MPDZ: variants seen among roughly 807,000 people sequenced by gnomAD.
The protein encoded by MPDZ is multiple PDZ domain protein.
A neutral mutation model predicts 239.1 loss-of-function variants in MPDZ; 234 were observed. The observed-to-expected ratio is 0.98, with a 90% CI of 0.88 to 1.09. The LOEUF (loss-of-function observed/expected upper bound fraction) is 1.09. MPDZ is among the 50% of genes least tolerant of loss of function. MPDZ has a pLI of 0.00. For missense variants in MPDZ, 3,175 were observed against 2,510.0 expected (o/e 1.26, Z -5.66); for synonymous variants, 1,048 against 881.3 (o/e 1.19, Z -3.35).
At chr9:13,135,911 T>G in intron 31 of MPDZ, 181 bp downstream of exon 31, 1 of 492,138 alleles carries the variant, frequency 2.0e-6, no homozygotes, top group Admixed American at 3.6e-5. Context: ...ACTCTTCACA[T>G]AAGTGGTATG....
In MPDZ at chr9:13,148,738, C is replaced by T. The variant is rs1288566105; in HGVS notation, c.3631-1080G>A. ...TCCAAATTTGCAGATCTGCACTCAC[C>T]TAGTCTATATACATTTTGAGAAACT... is the stretch of plus-strand genomic sequence containing the variant. On this transcript the variant is annotated intron_variant, in intron 25 of 46. Transcript: ENST00000319217. Among the ~76,000 whole-genome samples the T allele has an allele frequency of 2.0e-5, 3 of 151,982 alleles. No homozygotes were observed. The East Asian group carries it at 5.8e-4, about 29-fold the overall frequency.
At chr9:13,253,225 T>A (rs1278642355) in intron 1 of MPDZ, among the ~76,000 whole-genome samples, 3 of 143,794 alleles carry the variant, frequency 2.1e-5, no homozygotes, top group South Asian at 2.2e-4. Context: ...ACACAAAGGT[T>A]AAAAAAAAAA....
intron 26 of MPDZ, among the ~76,000 whole-genome samples, chr9:13,145,492 A>G (rs980529186): frequency 5.9e-5 from 9 of 152,042 alleles, no homozygotes; most frequent in African/African-American, 1.9e-4. Context: ...GCTTTATCCT[A>G]TATCTACAGA....
chr9:13,176,209 G>A lies in MPDZ; in HGVS notation c.2858C>T (p.Thr953Ile), dbSNP rs1217928079. 6.2e-7 allele frequency: 1 copy of A among 1,603,818 alleles called. No homozygotes were observed. The highest frequency in any genetic ancestry group is 8.5e-7 in the Non-Finnish European group (1 of 1,174,312). The change falls in exon 20 of 47, where the codon ACT becomes ATT. Residue 953 changes from threonine (T) to isoleucine (I), a missense_variant. Thr to Ile is a moderately conservative substitution (Grantham distance 89). Coordinates refer to ENST00000319217, the MANE Select transcript of MPDZ (RefSeq NM_001378778.1). ...QYECENTIVW[T>I]ESHLPSEVIS... ...AACTTCACTTGGTAAATGAGATTCAGTCCACACTATTGTGTTTTCACATTC... is the reference window on the plus strand; with the variant it reads ...AACTTCACTTGGTAAATGAGATTCAATCCACACTATTGTGTTTTCACATTC...
chr9:13,109,118 T>C (rs1941991838), intron 45 of MPDZ, 59 bp from the exon 46 acceptor site: 3 of 1,170,338 alleles, frequency 2.6e-6, no homozygotes, highest in African/African-American at 1.6e-5. Context: ...TATACATATA[T>C]GTTATGAATT....
At chr9:13,186,437 A>G in intron 17 of MPDZ, 51 bp from the exon 18 acceptor site, 1 of 1,297,086 alleles carries the variant, frequency 7.7e-7, no homozygotes, top group Non-Finnish European at 1.1e-6. Context: ...AGCAAAGAAG[A>G]AAGAAAATGG....
intron 23 of MPDZ, among the ~76,000 whole-genome samples, chr9:13,158,343 T>C (rs1350661393): frequency 6.6e-6 from 1 of 152,142 alleles, no homozygotes; most frequent in Non-Finnish European, 1.5e-5. Context: ...ACTAAGACTC[T>C]TGTCTAGTCT....
chr9:13,166,470 T>C (rs1587440259), intron 22 of MPDZ, among the ~76,000 whole-genome samples: 2 of 152,250 alleles, frequency 1.3e-5, no homozygotes, highest in South Asian at 4.1e-4. Flanking sequence ...AGTTAAGCTA[T>C]AAGCATTTGA....
intron 32 of MPDZ, among the ~76,000 whole-genome samples, chr9:13,129,782 G>A (rs1945683094): frequency 6.6e-6 from 1 of 151,884 alleles, no homozygotes; most frequent in Non-Finnish European, 1.5e-5. Context: ...TGTTTCCCAG[G>A]CTGGTCTTGA....
At chr9:13,185,892 T>C (rs1379061625) in intron 18 of MPDZ, among the ~76,000 whole-genome samples, 1 of 152,172 alleles carries the variant, frequency 6.6e-6, no homozygotes, top group Non-Finnish European at 1.5e-5. Context: ...GGAAAAAAGA[T>C]ACCTATTACC....
intron 32 of MPDZ, 87 bp downstream of exon 32, chr9:13,133,737 G>A (rs1460280292): frequency 3.3e-6 from 3 of 915,612 alleles, no homozygotes; most frequent in East Asian, 2.8e-5. Context: ...CTGTTAATCT[G>A]GAGACCACAC....
chr9:13,148,567 A>G (rs991628606), intron 25 of MPDZ, among the ~76,000 whole-genome samples: 3 of 152,176 alleles, frequency 2.0e-5, no homozygotes, highest in Non-Finnish European at 2.9e-5. Context: ...TTAGATGACA[A>G]TATTTTTTTC....
chr9:13,194,731 G>C (rs1334186944), intron 13 of MPDZ, among the ~76,000 whole-genome samples: 1 of 152,004 alleles, frequency 6.6e-6, no homozygotes, highest in South Asian at 2.1e-4. Flanking sequence ...AAAAAGTTCA[G>C]TCTGAGCTCT....
At chr9:13,180,277 C>T (rs1245855569) in intron 19 of MPDZ, among the ~76,000 whole-genome samples, 1 of 152,004 alleles carries the variant, frequency 6.6e-6, no homozygotes, top group Non-Finnish European at 1.5e-5. Flanking sequence ...TCATTAAATC[C>T]GTTAGTTGAG....
At chr9:13,215,812 G>GGC (rs1194833115) in intron 10 of MPDZ, among the ~76,000 whole-genome samples, 1 of 119,804 alleles carries the variant, frequency 8.3e-6, no homozygotes, top group Non-Finnish European at 1.6e-5. Context: ...CTGCTGCCCA[G>GGC]GCTGGAGTGC....
intron 24 of MPDZ, among the ~76,000 whole-genome samples, chr9:13,154,897 A>T (rs1170900751): frequency 1.1e-4 from 16 of 152,188 alleles, no homozygotes. Context: ...GGAAAAGGGA[A>T]CATTCATATA....
chr9:13,246,160 C>T (rs1588087280), intron 3 of MPDZ, among the ~76,000 whole-genome samples: 1 of 152,094 alleles, frequency 6.6e-6, no homozygotes, highest in Non-Finnish European at 1.5e-5. Flanking sequence ...TACTGAAAAT[C>T]AATCTTGCCA....
At chr9:13,259,718 T>A (rs576420699) in intron 1 of MPDZ, among the ~76,000 whole-genome samples, 1 of 151,998 alleles carries the variant, frequency 6.6e-6, no homozygotes, top group Non-Finnish European at 1.5e-5. Context: ...TAGTTTCTTA[T>A]ATAGTAACCT....
At position 13,183,503 on chromosome 9, in the gene MPDZ, G is replaced by A. The variant is rs1953663641; in HGVS notation, c.2564C>T (p.Thr855Ile). 1.2e-6 allele frequency: 2 copies of A among 1,612,456 alleles called. No individual in the cohort carries two copies. The highest frequency in any genetic ancestry group is 1.7e-6 in the Non-Finnish European group (2 of 1,179,050). Reference protein sequence around the residue: ...YSPENDSIYSTQASILSLHGS... With the variant: ...YSPENDSIYSIQASILSLHGS... ...ATGAAGAGATAAAATAGAGGCTTGA[G>A]TAGAGTAGATGCTGTCATTTTCAGG... Residue 855 changes from threonine to isoleucine, a missense_variant, in exon 19 of 47, where the codon ACT becomes ATT. Thr to Ile is a moderately conservative substitution (Grantham distance 89, BLOSUM62 -1). Transcript: ENST00000319217.
Sources: allele counts gnomAD v4.1 joint callset (sites outside exome capture counted in the v4.1 genomes callset), GRCh38; gene constraint gnomAD v4.1.1; transcripts MANE v1.5; gene names NCBI Gene and HGNC (gene_info 2026-07-23, HGNC 2026-07-21).